Variants in RIMS2 observed in about 807,000 individuals in gnomAD.
RIMS2 encodes the protein regulating synaptic membrane exocytosis 2, also known as regulating synaptic membrane exocytosis protein 2.
Under a neutral mutation model 174.4 loss-of-function variants are expected in RIMS2, and 59 were observed. The observed-to-expected ratio is 0.34, with a 90% CI of 0.27 to 0.42. RIMS2 has a LOEUF of 0.42. Among genes scored for constraint, RIMS2 ranks in the 10% least tolerant of loss-of-function variants. The pLI, the probability that RIMS2 is intolerant of heterozygous loss-of-function variation, is 1.00. For synonymous variants in RIMS2, 606 were observed against 572.5 expected (o/e 1.06, Z -0.84); for missense variants, 1,620 against 1,666.3 (o/e 0.97, Z 0.48).
intron 3 of RIMS2, among the ~76,000 whole-genome samples, chr8:103,860,482 T>G (rs1216133854): frequency 6.6e-6 from 1 of 152,130 alleles, no homozygotes; most frequent in East Asian, 1.9e-4. Flanking sequence ...TTGTTATTGT[T>G]AGGCATTTGG....
intron 1 of RIMS2, among the ~76,000 whole-genome samples, chr8:103,628,341 G>A (rs1183109962): frequency 6.9e-6 from 1 of 145,878 alleles, no homozygotes; most frequent in African/African-American, 2.5e-5. Flanking sequence ...GAGTGAGTGG[G>A]AGTGAGATCC....
chr8:103,614,696 T>C (rs2095465861), intron 1 of RIMS2, among the ~76,000 whole-genome samples: 1 of 152,244 alleles, frequency 6.6e-6, no homozygotes, highest in African/African-American at 2.4e-5. Context: ...CCAAAATTAA[T>C]CTTTATAATG....
At chr8:103,545,482 C>G (rs964394257) in intron 1 of RIMS2, among the ~76,000 whole-genome samples, 1 of 152,170 alleles carries the variant, frequency 6.6e-6, no homozygotes, top group Admixed American at 6.5e-5. Flanking sequence ...ATTTTCCCAA[C>G]TTTCCTAGAG....
chr8:104,163,959 A>G (rs577149732), intron 19 of RIMS2, among the ~76,000 whole-genome samples: 3 of 152,272 alleles, frequency 2.0e-5, no homozygotes, highest in Non-Finnish European at 4.4e-5. Context: ...GAGACCCTCC[A>G]GGAAAGGCAC....
intron 17 of RIMS2, chr8:103,998,094 T>C: frequency 1.0e-6 from 1 of 977,598 alleles, no homozygotes; most frequent in South Asian, 1.5e-5. Flanking sequence ...TCTGCCTATC[T>C]TTTAAAATCT....
chr8:103,549,635 G>C (rs1235905361), intron 1 of RIMS2, among the ~76,000 whole-genome samples: 1 of 152,130 alleles, frequency 6.6e-6, no homozygotes, highest in Non-Finnish European at 1.5e-5. Context: ...AACCTTAAAT[G>C]TAAATGGGCT....
chr8:103,712,285 T>G (rs1364856675), intron 2 of RIMS2, among the ~76,000 whole-genome samples: 1 of 151,988 alleles, frequency 6.6e-6, no homozygotes, highest in Non-Finnish European at 1.5e-5. Context: ...GTGCTTGGAT[T>G]ACAGGTGTGA....
At chr8:104,218,170 GA>G (rs2138266157) in intron 19 of RIMS2, among the ~76,000 whole-genome samples, 1 of 152,310 alleles carries the variant, frequency 6.6e-6, no homozygotes, top group Admixed American at 6.5e-5. Context: ...AACTTTTCAT[GA>G]GAAATTCCCG....
chr8:103,885,904 C>T (rs761349560), exon 4 of RIMS2: 12 of 1,612,394 alleles, frequency 7.4e-6, no homozygotes, highest in Non-Finnish European at 1.0e-5. Context: ...GTCCTCCTAC[C>T]CCCAGGAGGA....
intron 19 of RIMS2, among the ~76,000 whole-genome samples, chr8:104,160,449 T>A (rs13261882): frequency 0.27 from 41,523 of 152,068 alleles, 6,031 homozygotes; most frequent in South Asian, 0.44. Context: ...AATGATCATA[T>A]GGATATATGT....
chr8:104,251,707 T>G, exon 24 of RIMS2: 1 of 1,608,812 alleles, frequency 6.2e-7, no homozygotes, highest in Non-Finnish European at 8.5e-7. Context: ...GATCGGATGG[T>G]TCAAACTTTT....
chr8:103,847,303 A>G (rs1035579410), intron 3 of RIMS2, among the ~76,000 whole-genome samples: 3 of 152,054 alleles, frequency 2.0e-5, no homozygotes, highest in African/African-American at 7.2e-5. Context: ...TATGATAACC[A>G]TTGAATTAAG....
At chr8:104,076,905 C>T (rs1448469694) in intron 19 of RIMS2, among the ~76,000 whole-genome samples, 1 of 151,780 alleles carries the variant, frequency 6.6e-6, no homozygotes, top group Non-Finnish European at 1.5e-5. Flanking sequence ...CAACCTCTGC[C>T]TCCCGGGTTC....
chr8:103,512,461 T>G (rs1827004992), intron 1 of RIMS2, among the ~76,000 whole-genome samples: 1 of 152,204 alleles, frequency 6.6e-6, no homozygotes, highest in Admixed American at 6.5e-5. Flanking sequence ...CATGTCATCC[T>G]CATCCTGGGA....
chr8:103,867,455 A>G (rs764650898), intron 3 of RIMS2, among the ~76,000 whole-genome samples: 19 of 151,862 alleles, frequency 1.3e-4, no homozygotes, highest in Non-Finnish European at 2.2e-4. Context: ...AATAAATTAT[A>G]TTCAGTTACT....
intron 19 of RIMS2, among the ~76,000 whole-genome samples, chr8:104,047,769 T>C (rs2096718961): frequency 6.6e-6 from 1 of 152,162 alleles, no homozygotes; most frequent in Non-Finnish European, 1.5e-5. Context: ...TTGTGACTGC[T>C]AGTTTAGGAG....
At chr8:104,139,615 C>G (rs1566638526) in intron 19 of RIMS2, among the ~76,000 whole-genome samples, 1 of 152,094 alleles carries the variant, frequency 6.6e-6, no homozygotes, top group Non-Finnish European at 1.5e-5. Flanking sequence ...AATTTTATGT[C>G]CTGCAACTTT....
chr8:103,781,347 T>A (rs1181049207), intron 3 of RIMS2, among the ~76,000 whole-genome samples: 2 of 152,196 alleles, frequency 1.3e-5, no homozygotes, highest in African/African-American at 4.8e-5. Context: ...ATATTGCTGA[T>A]GATAAATTGG....
At chr8:104,238,891 A>G (rs1220167207) in intron 19 of RIMS2, among the ~76,000 whole-genome samples, 10 of 152,248 alleles carry the variant, frequency 6.6e-5, no homozygotes, top group Non-Finnish European at 1.5e-4. Context: ...TCGTTAAAGC[A>G]TATAAATTGT....
Sources: allele counts gnomAD v4.1 joint callset (sites outside exome capture counted in the v4.1 genomes callset), GRCh38; gene constraint gnomAD v4.1.1; transcripts MANE v1.5; gene names NCBI Gene and HGNC (gene_info 2026-07-23, HGNC 2026-07-21).